Variants in TMEM64 observed in about 807,000 individuals in gnomAD.
The protein encoded by TMEM64 is transmembrane protein 64.
A neutral mutation model predicts 24.5 loss-of-function variants in TMEM64; 19 were observed. The observed-to-expected ratio is 0.78, with a 90% CI of 0.54 to 1.14. The LOEUF is 1.14. Among genes scored for constraint, TMEM64 ranks in the 50% most tolerant of loss-of-function variants. The pLI is 0.00. For synonymous variants in TMEM64, 262 were observed against 224.7 expected, an observed-to-expected ratio of 1.17 and a Z score of -1.49; for missense variants, 487 against 493.0, an observed-to-expected ratio of 0.99 and a Z score of 0.12.
chr8:90,625,976 T>C, intron 2 of TMEM64, 114 bp from the exon 3 acceptor site: 1 of 709,304 alleles, frequency 1.4e-6, no homozygotes, highest in South Asian at 2.1e-5. Context: ...TCAAAGATGG[T>C]AGGTAAAGGG....
At chr8:90,640,060 T>C (rs1351975757) in intron 1 of TMEM64, among the ~76,000 whole-genome samples, 1 of 152,198 alleles carries the variant, frequency 6.6e-6, no homozygotes, top group Non-Finnish European at 1.5e-5. Context: ...CTGCATTCAG[T>C]GGTATTGTGA....
rs1275197769 is a variant in TMEM64 at position 90,623,126 on chromosome 8, G to A, written c.*2545C>T. 1 of 151,832 alleles carries A rather than the reference G, an allele frequency of 6.6e-6. No homozygotes were observed. The highest frequency in any genetic ancestry group is 1.5e-5 in the Non-Finnish European group (1 of 67,936). The allele number at this position is 151,832 out of a possible 1,614,324, so 9.4% of individuals were successfully genotyped here. ...AGAAAACTCCCAAAGAATTAAAAAAGAACACATATTTCATAGGATTCAGAA... is the reference window on the plus strand; with the variant it reads ...AGAAAACTCCCAAAGAATTAAAAAAAAACACATATTTCATAGGATTCAGAA... On this transcript the variant is annotated 3_prime_UTR_variant, in exon 3 of 3. Transcript: ENST00000458549.
intron 1 of TMEM64, among the ~76,000 whole-genome samples, chr8:90,643,952 T>A (rs1809646231): frequency 6.6e-6 from 1 of 152,222 alleles, no homozygotes; most frequent in African/African-American, 2.4e-5. Flanking sequence ...AAGGTTTTAA[T>A]TTCATCACAA....
chr8:90,630,704 A>C (rs1809423928), intron 2 of TMEM64, among the ~76,000 whole-genome samples: 1 of 152,208 alleles, frequency 6.6e-6, no homozygotes, highest in African/African-American at 2.4e-5. Context: ...CATCTGAAAA[A>C]AAAAATCTGT....
At chr8:90,644,076 C>T (rs376710408) in intron 1 of TMEM64, among the ~76,000 whole-genome samples, 37 of 152,282 alleles carry the variant, frequency 2.4e-4, no homozygotes, top group African/African-American at 8.7e-4. Flanking sequence ...ACTTAAAATA[C>T]ATCAATTCCT....
chr8:90,641,335 A>G (rs1037609125), intron 1 of TMEM64, among the ~76,000 whole-genome samples: 2 of 151,892 alleles, frequency 1.3e-5, no homozygotes, highest in African/African-American at 4.9e-5. Flanking sequence ...TGAATTTCAT[A>G]TAATTCTCAT....
intron 2 of TMEM64, among the ~76,000 whole-genome samples, chr8:90,627,096 G>A (rs964357945): frequency 6.6e-6 from 1 of 152,146 alleles, no homozygotes; most frequent in East Asian, 1.9e-4. Flanking sequence ...GTAACCAAAA[G>A]TGATACGGAA....
At chr8:90,634,288 G>A (rs1344753427) in intron 1 of TMEM64, among the ~76,000 whole-genome samples, 1 of 152,058 alleles carries the variant, frequency 6.6e-6, no homozygotes, top group African/African-American at 2.4e-5. Flanking sequence ...TATATAAAAA[G>A]GGCTTATTTG....
rs998613346 is a variant in TMEM64, at chr8:90,625,066, A to C, written c.*605T>G. 1.3e-5 allele frequency: 2 copies of C among 152,588 alleles called. No homozygotes were observed. Among genetic ancestry groups the C allele is most frequent in the Admixed American group, 6.5e-5 (1 of 15,284 alleles). 9.5% of individuals were successfully genotyped at this position (152,588 alleles called of 1,614,324 possible). On this transcript the variant is annotated 3_prime_UTR_variant, in exon 3 of 3. Coordinates refer to ENST00000458549, the MANE Select transcript of TMEM64 (RefSeq NM_001008495.4). Reference sequence around the variant, plus strand: ...ACTTCAGTCCCACAAGGTAGGATTTAAGCTTTGTGAATAGGTGTAAATGGC... The same window carrying C: ...ACTTCAGTCCCACAAGGTAGGATTTCAGCTTTGTGAATAGGTGTAAATGGC...
intron 1 of TMEM64, among the ~76,000 whole-genome samples, chr8:90,634,514 C>CA (rs1026363653): frequency 6.6e-6 from 1 of 151,770 alleles, no homozygotes; most frequent in Non-Finnish European, 1.5e-5. Flanking sequence ...TTCTGTCACT[C>CA]AAAAAAAATC....
intron 2 of TMEM64, among the ~76,000 whole-genome samples, chr8:90,627,293 C>T (rs966188403): frequency 6.6e-6 from 1 of 151,966 alleles, no homozygotes; most frequent in South Asian, 2.1e-4. Flanking sequence ...TAAATGAGTA[C>T]CCATCACTCA....
Position 90,625,820 on chromosome 8 carries a change from C to T in TMEM64, c.994G>A (p.Ala332Thr). 6.2e-7 allele frequency: 1 copy of T among 1,613,582 alleles called. No individual in the cohort carries two copies. Among genetic ancestry groups the T allele is most frequent in the Non-Finnish European group, 8.5e-7 (1 of 1,179,720 alleles). Residue 332 changes from alanine to threonine, a missense_variant, in exon 3 of 3, where the codon GCT (alanine) becomes ACT (threonine). Around this residue, in one of 3 missense-constraint regions of TMEM64, gnomAD observed 58 missense variants for 58.2 expected, o/e 1.00. Coordinates refer to ENST00000458549, the MANE Select transcript of TMEM64 (RefSeq NM_001008495.4). The stretch of plus-strand genomic sequence containing the variant: ...ATAGCTGCATTCAATTCCACTTGAG[C>T]TCGATGAACTACATAAAACATGAGG... ...IGLMFYVVHR[A>T]QVELNAAIVA...
At chr8:90,628,657 A>T (rs1000613893) in intron 2 of TMEM64, among the ~76,000 whole-genome samples, 3 of 152,220 alleles carry the variant, frequency 2.0e-5, no homozygotes, top group Admixed American at 2.0e-4. Context: ...GAAAAATAAC[A>T]GGCATGGAAG....
At chr8:90,628,915 C>A (rs1809399002) in intron 2 of TMEM64, among the ~76,000 whole-genome samples, 1 of 152,148 alleles carries the variant, frequency 6.6e-6, no homozygotes, top group Non-Finnish European at 1.5e-5. Flanking sequence ...TGGCTGCAAG[C>A]ATTTCAGATA....
intron 1 of TMEM64, among the ~76,000 whole-genome samples, chr8:90,635,231 G>C (rs1428506806): frequency 6.6e-6 from 1 of 152,090 alleles, no homozygotes; most frequent in Admixed American, 6.6e-5. Context: ...GGAAACCAAA[G>C]CGTAACTTTT....
intron 1 of TMEM64, among the ~76,000 whole-genome samples, chr8:90,638,572 G>A (rs904102199): frequency 2.0e-5 from 3 of 152,166 alleles, no homozygotes; most frequent in Admixed American, 6.5e-5. Flanking sequence ...TATAAATTCT[G>A]TGAGGAAAGG....
intron 2 of TMEM64, among the ~76,000 whole-genome samples, chr8:90,627,728 T>C (rs1415309891): frequency 1.3e-5 from 2 of 152,102 alleles, no homozygotes; most frequent in Non-Finnish European, 2.9e-5. Flanking sequence ...ACTAGAAAAC[T>C]TAAGCTAGGA....
At chr8:90,633,829 C>CT (rs1009755088) in intron 1 of TMEM64, among the ~76,000 whole-genome samples, 2 of 151,748 alleles carry the variant, frequency 1.3e-5, no homozygotes, top group East Asian at 1.9e-4. Flanking sequence ...TTCACATTTG[C>CT]TTTTTTTATT....
In TMEM64 at chr8:90,645,780, C is replaced by G; in HGVS notation, c.126G>C (p.Pro42=). The G allele has an allele frequency of 9.8e-7, 1 of 1,019,266 alleles. No individual in the cohort carries two copies. The highest frequency in any genetic ancestry group is 1.2e-6 in the Non-Finnish European group (1 of 854,198). 63.1% of individuals were successfully genotyped at this position (1,019,266 alleles called of 1,614,324 possible). ...ALPRGAGGDG[P]ADRLPRGGGA... ...CGCCCCCGCGGGGAAGGCGGTCCGCCGGGCCGTCCCCGCCCGCACCCCGCG... is the reference window on the plus strand; with the variant it reads ...CGCCCCCGCGGGGAAGGCGGTCCGCGGGGCCGTCCCCGCCCGCACCCCGCG... The change falls in exon 1 of 3, where the codon CCG becomes CCC. Residue 42 remains proline, a synonymous_variant. Coordinates refer to ENST00000458549, the MANE Select transcript of TMEM64 (RefSeq NM_001008495.4). The surrounding 1 kb of genome is among the most constrained non-coding windows in gnomAD (Gnocchi z 4.2).
Sources: gnomAD v4.1 joint callset for allele counts (sites outside exome capture counted in the v4.1 genomes callset) on GRCh38, gnomAD v4.1.1 for gene constraint, gnomAD v4.1.1 regional missense constraint, Gnocchi (gnomAD v3.1) non-coding constraint, MANE v1.5 for transcripts, NCBI Gene and HGNC (gene_info 2026-07-23, HGNC 2026-07-21) for gene names.